Variants in DNAAF10 observed in about 807,000 individuals in gnomAD.
DNAAF10 encodes dynein axonemal assembly factor 10.
In DNAAF10, 28 loss-of-function variants were observed where a neutral mutation model predicts 43.7. The observed-to-expected ratio is 0.64, with a 90% CI of 0.48 to 0.88. The LOEUF (loss-of-function observed/expected upper bound fraction) is 0.88. DNAAF10 is among the 40% of genes least tolerant of loss of function. DNAAF10 has a pLI of 0.00. For missense variants in DNAAF10, 403 were observed against 439.1 expected, an observed-to-expected ratio of 0.92 and a Z score of 0.73; for synonymous variants, 156 against 157.3, an observed-to-expected ratio of 0.99 and a Z score of 0.06.
At chr2:68,134,921 T>C in intron 6 of DNAAF10, 122 bp from the exon 7 acceptor site, 1 of 1,085,796 alleles carries the variant, frequency 9.2e-7, no homozygotes, top group Non-Finnish European at 1.3e-6. Context: ...ATTAAGGTTA[T>C]TTTCTGGCAC....
Position 68,131,064 on chromosome 2 carries a change from C to T in DNAAF10, c.*174G>A, listed in dbSNP as rs1008522132. The T allele has an allele frequency of 1.9e-6, 1 of 531,760 alleles. No individual in the cohort carries two copies. The highest frequency in any genetic ancestry group is 1.9e-5 in the African/African-American group (1 of 51,834). 32.9% of individuals were successfully genotyped at this position (531,760 alleles called of 1,614,324 possible). ...CCAAGTAGCTAGGACTACAGATGCC[C>T]GCCATGACACCCAGCAAATTTTTTT... is the stretch of plus-strand genomic sequence containing the variant. On this transcript the variant is annotated 3_prime_UTR_variant, in exon 8 of 8. Coordinates refer to ENST00000295121, the MANE Select transcript of DNAAF10 (RefSeq NM_138458.4).
Position 68,157,247 on chromosome 2 carries a change from G to C in DNAAF10, c.183+14C>G. ...GCCCCCAACGGCAGTCCGGATCCTC[G>C]ACCCGGCACCCACCTCCCGAAGCAG... On this transcript the variant is annotated intron_variant, in intron 1 of 7. Coordinates refer to ENST00000295121, the MANE Select transcript of DNAAF10 (RefSeq NM_138458.4). 1 of 1,606,864 alleles carries C rather than the reference G, an allele frequency of 6.2e-7. No individual in the cohort carries two copies. The highest frequency in any genetic ancestry group is 8.5e-7 in the Non-Finnish European group (1 of 1,176,378).
intron 1 of DNAAF10, among the ~76,000 whole-genome samples, chr2:68,147,958 T>C (rs939280516): frequency 4.6e-5 from 7 of 152,208 alleles, no homozygotes; most frequent in African/African-American, 1.2e-4. Flanking sequence ...GTGTCTCTTA[T>C]AGTTTTCCCT....
chr2:68,134,163 T>C (rs1672982838), intron 7 of DNAAF10: 1 of 985,654 alleles, frequency 1.0e-6, no homozygotes, highest in Non-Finnish European at 1.2e-6. Flanking sequence ...AGCAATGATA[T>C]CAGACCTTTT....
At chr2:68,132,486 A>G (rs988949537) in intron 7 of DNAAF10, among the ~76,000 whole-genome samples, 17 of 152,256 alleles carry the variant, frequency 1.1e-4, no homozygotes, top group Non-Finnish European at 2.4e-4. Context: ...TTCAAAAGAT[A>G]ACATAAAAAA....
At chr2:68,153,745 GTTTT>G (rs35521976) in intron 1 of DNAAF10, among the ~76,000 whole-genome samples, 3 of 78,416 alleles carry the variant, frequency 3.8e-5, no homozygotes, top group African/African-American at 5.0e-5. Flanking sequence ...ACACAATGAA[GTTTT>G]TTTTTTTTTT....
chr2:68,157,040 G>A (rs749313597), intron 1 of DNAAF10: 4 of 648,198 alleles, frequency 6.2e-6, no homozygotes, highest in East Asian at 2.8e-5. Flanking sequence ...GGACTGCACT[G>A]GGGGTGGCAG....
At chr2:68,152,309 T>G (rs1159044020) in intron 1 of DNAAF10, among the ~76,000 whole-genome samples, 1 of 152,240 alleles carries the variant, frequency 6.6e-6, no homozygotes, top group African/African-American at 2.4e-5. Flanking sequence ...CTGTATATCT[T>G]CAACGTATTA....
intron 7 of DNAAF10, among the ~76,000 whole-genome samples, chr2:68,132,497 T>A (rs947649128): frequency 4.6e-5 from 7 of 152,240 alleles, no homozygotes; most frequent in Non-Finnish European, 7.3e-5. Context: ...ACATAAAAAA[T>A]TTTTAAAACC....
chr2:68,148,459 C>T (rs113873005), intron 1 of DNAAF10, among the ~76,000 whole-genome samples: 1 of 152,172 alleles, frequency 6.6e-6, no homozygotes, highest in African/African-American at 2.4e-5. Context: ...TATACATATT[C>T]GTTATACTAC....
At chr2:68,149,742 C>A (rs550499830) in intron 1 of DNAAF10, among the ~76,000 whole-genome samples, 2 of 152,278 alleles carry the variant, frequency 1.3e-5, no homozygotes, top group Non-Finnish European at 2.9e-5. Context: ...TGAGTTCCAA[C>A]CTATGCCAAC....
intron 7 of DNAAF10, among the ~76,000 whole-genome samples, chr2:68,133,757 A>G (rs1672972602): frequency 6.6e-6 from 1 of 152,236 alleles, no homozygotes; most frequent in East Asian, 1.9e-4. Flanking sequence ...GTCAGAAAAT[A>G]TAAGATAAAG....
intron 7 of DNAAF10, 99 bp downstream of exon 7, chr2:68,134,603 T>G: frequency 1.3e-6 from 2 of 1,555,372 alleles, no homozygotes; most frequent in Non-Finnish European, 8.6e-7. Context: ...CAAAATGAAC[T>G]AAGTCAAAGC....
intron 1 of DNAAF10, among the ~76,000 whole-genome samples, chr2:68,150,193 A>G (rs17524216): frequency 0.41 from 62,224 of 151,904 alleles, 13,068 homozygotes; most frequent in South Asian, 0.62. Flanking sequence ...AAAATAAAAA[A>G]CTGGAAGCAA....
chr2:68,153,380 A>G (rs1572928655), intron 1 of DNAAF10, among the ~76,000 whole-genome samples: 1 of 149,210 alleles, frequency 6.7e-6, no homozygotes, highest in African/African-American at 2.4e-5. Flanking sequence ...ACGATGCATG[A>G]GTTTTGGAGC....
chr2:68,147,504 A>T lies in DNAAF10; in HGVS notation c.247T>A (p.Leu83Ile). ...TTTCCACCAAAATCTCCAGTAGCTAAATATCTCTGCTGTAAAGATGTTGCA... is the reference window on the plus strand; with the variant it reads ...TTTCCACCAAAATCTCCAGTAGCTATATATCTCTGCTGTAAAGATGTTGCA... ...FGATSLQQRY[L>I]ATGDFGGNLH... Residue 83 changes from leucine to isoleucine, a missense_variant, in exon 2 of 8, where the codon TTA (leucine) becomes ATA (isoleucine). By Grantham distance (5) the Leu-to-Ile change is conservative (BLOSUM62 2). Coordinates refer to ENST00000295121, the MANE Select transcript of DNAAF10 (RefSeq NM_138458.4). The T allele has an allele frequency of 3.1e-6, 5 of 1,612,022 alleles. No homozygotes were observed. Among genetic ancestry groups the T allele is most frequent in the Non-Finnish European group, 3.4e-6 (4 of 1,179,082 alleles).
rs1673185498 is a variant in DNAAF10 at position 68,141,764 on chromosome 2, T to C, written c.447A>G (p.Lys149=). 2 of 1,614,164 alleles carry C rather than the reference T, an allele frequency of 1.2e-6. No individual in the cohort carries two copies. The highest frequency in any genetic ancestry group is 1.7e-6 in the Non-Finnish European group (2 of 1,180,008). ...GTTCCATATTAGCAACAGGATCATC[T>C]TTTTGCCTTGGGTCCCACACCTTCA... ...GTVKVWDPRQ[K]DDPVANMEPV... Residue 149 remains lysine, a synonymous_variant, in exon 4 of 8, where the codon AAA becomes AAG. Transcript: ENST00000295121.
At chr2:68,153,077 C>T (rs1297802574) in intron 1 of DNAAF10, among the ~76,000 whole-genome samples, 3 of 152,074 alleles carry the variant, frequency 2.0e-5, no homozygotes, top group Non-Finnish European at 4.4e-5. Flanking sequence ...AAAAAAGTTG[C>T]CTTTTATAGG....
chr2:68,134,867 A>G, intron 6 of DNAAF10, 68 bp from the exon 7 acceptor site: 1 of 1,546,722 alleles, frequency 6.5e-7, no homozygotes, highest in Non-Finnish European at 8.9e-7. Context: ...AAACGCTGCA[A>G]ATAAAAAACT....
Sources: allele counts gnomAD v4.1 joint callset (sites outside exome capture counted in the v4.1 genomes callset), GRCh38; gene constraint gnomAD v4.1.1; transcripts MANE v1.5; gene names NCBI Gene and HGNC (gene_info 2026-07-23, HGNC 2026-07-21).